ZDHHC14: variants seen among roughly 807,000 people sequenced by gnomAD.
ZDHHC14 encodes zDHHC palmitoyltransferase 14.
Under a neutral mutation model 47.7 loss-of-function variants are expected in ZDHHC14, and 16 were observed. The ratio of observed to expected loss-of-function variants is 0.34; its 90% CI spans 0.23 to 0.51. ZDHHC14 has a LOEUF of 0.51. Ranked by LOEUF, ZDHHC14 falls within the 20% of genes least tolerant of loss-of-function variation. ZDHHC14 has a pLI of 0.97. For missense variants in ZDHHC14, 515 were observed against 662.5 expected, an observed-to-expected ratio of 0.78 and a Z score of 2.44; for synonymous variants, 293 against 278.9, an observed-to-expected ratio of 1.05 and a Z score of -0.50.
At chr6:157,538,005 G>A (rs149684840) in intron 1 of ZDHHC14, among the ~76,000 whole-genome samples, 1,603 of 152,262 alleles carry the variant, frequency 0.011, 18 homozygotes, top group Non-Finnish European at 0.018. Flanking sequence ...CTTTTTCTAA[G>A]CAGCATTTTG....
chr6:157,389,297 A>G (rs148460444), intron 1 of ZDHHC14, among the ~76,000 whole-genome samples: 2 of 152,266 alleles, frequency 1.3e-5, no homozygotes, highest in African/African-American at 4.8e-5. Flanking sequence ...CTCTTCCTCA[A>G]TCTTGCGATT....
At chr6:157,412,247 G>A (rs1372155776) in intron 1 of ZDHHC14, among the ~76,000 whole-genome samples, 2 of 150,744 alleles carry the variant, frequency 1.3e-5, no homozygotes, top group African/African-American at 4.9e-5. Context: ...CCAGTTTGTT[G>A]GATATTTTAT....
At chr6:157,575,446 C>A (rs1166278555) in intron 2 of ZDHHC14, among the ~76,000 whole-genome samples, 1 of 152,150 alleles carries the variant, frequency 6.6e-6, no homozygotes, top group Admixed American at 6.5e-5. Context: ...TGTGGCCTAG[C>A]CCCTGCCTTC....
At chr6:157,439,049 G>A (rs143802429) in intron 1 of ZDHHC14, among the ~76,000 whole-genome samples, 1 of 152,278 alleles carries the variant, frequency 6.6e-6, no homozygotes, top group East Asian at 1.9e-4. Context: ...GGGTCATTGA[G>A]CAACTTTTAA....
In ZDHHC14 at chr6:157,484,052, G is replaced by A. The variant is rs535727710; in HGVS notation, c.246-58533G>A. ...CAAACTAACACAGGAACAGAAAACCGAATACCTCATGTTTTAACTTATAAG... is the reference window on the plus strand; with the variant it reads ...CAAACTAACACAGGAACAGAAAACCAAATACCTCATGTTTTAACTTATAAG... On this transcript the variant is annotated intron_variant, in intron 1 of 8. Transcript: ENST00000359775. Among the ~76,000 whole-genome samples the A allele has an allele frequency of 1.3e-4, 19 of 151,814 alleles. No homozygotes were observed. In the East Asian group the frequency reaches 2.3e-3, roughly 19 times the overall value.
At chr6:157,439,540 A>T (rs946397341) in intron 1 of ZDHHC14, among the ~76,000 whole-genome samples, 5 of 152,192 alleles carry the variant, frequency 3.3e-5, no homozygotes, top group African/African-American at 1.2e-4. Flanking sequence ...GGGAAATAGG[A>T]ACATTTTTAC....
intron 1 of ZDHHC14, among the ~76,000 whole-genome samples, chr6:157,472,490 G>A (rs1779380102): frequency 6.6e-6 from 1 of 152,102 alleles, no homozygotes; most frequent in Non-Finnish European, 1.5e-5. Context: ...AATAAGTGGA[G>A]TGGAGTGGAG....
chr6:157,665,650 G>C (rs910982857), intron 8 of ZDHHC14, among the ~76,000 whole-genome samples: 2 of 152,170 alleles, frequency 1.3e-5, no homozygotes, highest in Non-Finnish European at 2.9e-5. Context: ...TAAGCACCCT[G>C]ATATTGCAGG....
At chr6:157,387,242 A>C (rs1011250927) in intron 1 of ZDHHC14, among the ~76,000 whole-genome samples, 2 of 151,948 alleles carry the variant, frequency 1.3e-5, no homozygotes, top group South Asian at 4.1e-4. Flanking sequence ...AAAAAAAAAA[A>C]CAGTGAATAA....
chr6:157,477,339 C>T (rs1779518323), intron 1 of ZDHHC14, among the ~76,000 whole-genome samples: 1 of 152,334 alleles, frequency 6.6e-6, no homozygotes, highest in African/African-American at 2.4e-5. Context: ...GAGACCGTGC[C>T]ACTGCACTCC....
chr6:157,548,883 G>T (rs1180411150), intron 2 of ZDHHC14, among the ~76,000 whole-genome samples: 6 of 152,218 alleles, frequency 3.9e-5, no homozygotes, highest in African/African-American at 1.4e-4. Context: ...TGTGTGATGG[G>T]TCTGCTGGGC....
intron 3 of ZDHHC14, among the ~76,000 whole-genome samples, chr6:157,627,391 A>T (rs1785480026): frequency 1.3e-5 from 2 of 152,210 alleles, no homozygotes. Context: ...TGTCCTCCCC[A>T]GCCGCCACAG....
At chr6:157,642,353 G>C (rs758024490) in intron 5 of ZDHHC14, among the ~76,000 whole-genome samples, 39 of 152,188 alleles carry the variant, frequency 2.6e-4, no homozygotes, top group Non-Finnish European at 5.3e-4. Context: ...GTCCTTCCCT[G>C]CCCTGTCCTG....
At chr6:157,415,643 G>A (rs1030046375) in intron 1 of ZDHHC14, among the ~76,000 whole-genome samples, 7 of 152,202 alleles carry the variant, frequency 4.6e-5, no homozygotes, top group African/African-American at 1.4e-4. Context: ...GGGAGGCCAA[G>A]GTGGGCGGAT....
chr6:157,623,723 T>C (rs1785287353), intron 3 of ZDHHC14, among the ~76,000 whole-genome samples: 1 of 152,058 alleles, frequency 6.6e-6, no homozygotes, highest in African/African-American at 2.4e-5. Context: ...CTAATTTTTG[T>C]ATTTTTAGTA....
At chr6:157,417,023 T>A (rs1414244833) in intron 1 of ZDHHC14, among the ~76,000 whole-genome samples, 1 of 114,856 alleles carries the variant, frequency 8.7e-6, no homozygotes, top group Non-Finnish European at 1.7e-5. Context: ...AGAGACAGGG[T>A]TTCACTGTGT....
At chr6:157,474,161 T>C (rs915865190) in intron 1 of ZDHHC14, among the ~76,000 whole-genome samples, 1 of 152,048 alleles carries the variant, frequency 6.6e-6, no homozygotes, top group Non-Finnish European at 1.5e-5. Flanking sequence ...GCTAATTTTT[T>C]TGTATTTTTA....
chr6:157,455,772 A>G (rs1184888849), intron 1 of ZDHHC14, among the ~76,000 whole-genome samples: 3 of 152,196 alleles, frequency 2.0e-5, no homozygotes, highest in African/African-American at 7.2e-5. Flanking sequence ...GGCTCTTGTT[A>G]GAAGGAAAAC....
intron 3 of ZDHHC14, among the ~76,000 whole-genome samples, chr6:157,617,545 ATTTAC>A (rs1785018957): frequency 6.6e-6 from 1 of 152,172 alleles, no homozygotes; most frequent in South Asian, 2.1e-4. Context: ...CCAGAAACGT[ATTTAC>A]TTTGGAGAAG....
Sources: allele counts gnomAD v4.1 joint callset (sites outside exome capture counted in the v4.1 genomes callset), GRCh38; gene constraint gnomAD v4.1.1; transcripts MANE v1.5; gene names NCBI Gene and HGNC (gene_info 2026-07-23, HGNC 2026-07-21).